PTPRA: variants seen among roughly 807,000 people sequenced by gnomAD.
The protein encoded by PTPRA is receptor-type tyrosine-protein phosphatase alpha.
Under a neutral mutation model 104.8 loss-of-function variants are expected in PTPRA, and 25 were observed. That is an observed-to-expected ratio of 0.24 (90% CI 0.17 to 0.33). PTPRA has a LOEUF of 0.33. Among genes scored for constraint, PTPRA ranks in the 10% least tolerant of loss-of-function variants. PTPRA has a pLI of 1.00. For missense variants in PTPRA, 765 were observed against 1,015.3 expected (o/e 0.75, Z 3.35); for synonymous variants, 323 against 368.9 (o/e 0.88, Z 1.43).
At chr20:2,967,445 T>C (rs1487841047) in intron 5 of PTPRA, among the ~76,000 whole-genome samples, 2 of 152,246 alleles carry the variant, frequency 1.3e-5, no homozygotes, top group South Asian at 4.1e-4. Flanking sequence ...AATCAGTATT[T>C]GATGTATATT....
intron 6 of PTPRA, among the ~76,000 whole-genome samples, chr20:2,986,177 GAT>G (rs1276143957): frequency 6.6e-6 from 1 of 152,018 alleles, no homozygotes; most frequent in Non-Finnish European, 1.5e-5. Context: ...AAAATGCTAG[GAT>G]TACAGGCATG....
At chr20:2,917,750 T>C (rs934048830) in intron 1 of PTPRA, among the ~76,000 whole-genome samples, 1 of 151,396 alleles carries the variant, frequency 6.6e-6, no homozygotes, top group Non-Finnish European at 1.5e-5. Context: ...AGTGGGAGGA[T>C]TGCTTGAGCC....
intron 1 of PTPRA, among the ~76,000 whole-genome samples, chr20:2,922,338 G>T (rs1440360260): frequency 6.6e-6 from 1 of 152,002 alleles, no homozygotes; most frequent in Non-Finnish European, 1.5e-5. Flanking sequence ...CTGTTTTATT[G>T]ATTGATTGAT....
intron 1 of PTPRA, among the ~76,000 whole-genome samples, chr20:2,898,115 G>A (rs1370796285): frequency 6.6e-6 from 1 of 150,462 alleles, no homozygotes; most frequent in Non-Finnish European, 1.5e-5. Flanking sequence ...TTTATTTTTT[G>A]AGACGGAGTC....
intron 10 of PTPRA, among the ~76,000 whole-genome samples, chr20:3,006,640 T>C (rs540693246): frequency 3.3e-5 from 5 of 152,314 alleles, no homozygotes; most frequent in Admixed American, 1.3e-4. Context: ...TACTTTTGTC[T>C]TTTTCTTTTT....
intron 3 of PTPRA, among the ~76,000 whole-genome samples, chr20:2,961,157 A>G (rs2061741715): frequency 6.6e-6 from 1 of 152,166 alleles, no homozygotes; most frequent in South Asian, 2.1e-4. Context: ...AAGGAGCACA[A>G]TTGCTGGATC....
At chr20:2,894,111 T>C (rs2058900859) in intron 1 of PTPRA, among the ~76,000 whole-genome samples, 1 of 152,178 alleles carries the variant, frequency 6.6e-6, no homozygotes, top group South Asian at 2.1e-4. Context: ...TAGAACATAA[T>C]AGTTATATAA....
rs1348743594 is a variant in PTPRA at position 3,007,486 on chromosome 20, C to A, written c.906+66C>A. 3.4e-6 allele frequency: 5 copies of A among 1,482,086 alleles called. No homozygotes were observed. The African/African-American group carries it at 5.6e-5, about 16-fold the overall frequency. 91.8% of individuals were successfully genotyped at this position (1,482,086 alleles called of 1,614,324 possible). ...CATTGCCACTATCTGTTGGCTCCTC[C>A]CCAGCTGTGTGTTAGGAGAAATATT... On this transcript the variant is annotated intron_variant, in intron 11 of 23. Coordinates refer to ENST00000399903, the MANE Select transcript of PTPRA (RefSeq NM_001385305.1).
the PTPRA span, chr20:2,866,269 T>G: frequency 5.6e-6 from 9 of 1,614,132 alleles, no homozygotes; most frequent in Admixed American, 1.5e-4. Context: ...GAAGTATGCT[T>G]CCCGCGTGGG....
Position 2,981,286 on chromosome 20 carries a change from C to G in PTPRA, c.443-5479C>G, listed in dbSNP as rs1390230678. ...TAAGAATCTTGATCTCTTGGTGATA[C>G]ATACCTAAGTAATTGCATTTGAAAT... is the stretch of plus-strand genomic sequence containing the variant. On this transcript the variant is annotated intron_variant, in intron 6 of 23. Coordinates refer to ENST00000399903, the MANE Select transcript of PTPRA (RefSeq NM_001385305.1). 2.6e-5 allele frequency among the ~76,000 whole-genome samples: 4 copies of G among 152,100 alleles called. No individual in the cohort carries two copies. The East Asian group carries it at 5.8e-4, about 22-fold the overall frequency.
intron 9 of PTPRA, among the ~76,000 whole-genome samples, chr20:3,001,683 T>C (rs1451134318): frequency 6.6e-6 from 1 of 152,120 alleles, no homozygotes; most frequent in Non-Finnish European, 1.5e-5. Flanking sequence ...TGTGTAAGAG[T>C]CCAGCCCAGG....
chr20:2,935,795 A>G (rs1300217781), intron 2 of PTPRA, among the ~76,000 whole-genome samples: 2 of 152,258 alleles, frequency 1.3e-5, no homozygotes, highest in Admixed American at 6.5e-5. Flanking sequence ...CGGGTGGATC[A>G]CCTGAAGTCA....
At chr20:3,006,207 T>A (rs1276001054) in intron 10 of PTPRA, among the ~76,000 whole-genome samples, 1 of 152,182 alleles carries the variant, frequency 6.6e-6, no homozygotes, top group African/African-American at 2.4e-5. Context: ...TTATTTCATT[T>A]ATTTTTTTAG....
chr20:2,882,487 C>G (rs1446241647), intron 1 of PTPRA, among the ~76,000 whole-genome samples: 4 of 151,780 alleles, frequency 2.6e-5, no homozygotes, highest in African/African-American at 9.7e-5. Flanking sequence ...GAGATGAGGT[C>G]TCACTATGTT....
At chr20:2,875,561 A>G (rs114997722) in intron 1 of PTPRA, among the ~76,000 whole-genome samples, 1,617 of 152,290 alleles carry the variant, frequency 0.011, 34 homozygotes, top group African/African-American at 0.036. Context: ...TTAACCTTTG[A>G]GGAACTCAGA....
At chr20:2,945,166 C>CT (rs1461017589) in intron 2 of PTPRA, among the ~76,000 whole-genome samples, 1 of 152,086 alleles carries the variant, frequency 6.6e-6, no homozygotes, top group Non-Finnish European at 1.5e-5. Flanking sequence ...CCATTAAGAT[C>CT]TTTTTTTCAG....
At chr20:2,974,670 T>C (rs2062354365) in intron 5 of PTPRA, among the ~76,000 whole-genome samples, 1 of 152,166 alleles carries the variant, frequency 6.6e-6, no homozygotes, top group African/African-American at 2.4e-5. Context: ...CCTCAGGTGA[T>C]CCACTGCACC....
chr20:2,899,003 G>C (rs1359777647), intron 1 of PTPRA, among the ~76,000 whole-genome samples: 3 of 152,182 alleles, frequency 2.0e-5, no homozygotes, highest in Non-Finnish European at 2.9e-5. Flanking sequence ...TCTTTCTATT[G>C]GGGTGTTCTT....
At chr20:2,880,191 G>A (rs964098815) in intron 1 of PTPRA, among the ~76,000 whole-genome samples, 4 of 152,232 alleles carry the variant, frequency 2.6e-5, no homozygotes, top group African/African-American at 9.6e-5. Context: ...CACTGTGGCT[G>A]TAGTCCAGAG....
Sources: allele counts gnomAD v4.1 joint callset (sites outside exome capture counted in the v4.1 genomes callset), GRCh38; gene constraint gnomAD v4.1.1; transcripts MANE v1.5; gene names NCBI Gene and HGNC (gene_info 2026-07-23, HGNC 2026-07-21).